USHBP1: variants seen among roughly 807,000 people sequenced by gnomAD.
The protein encoded by USHBP1 is harmonin-binding protein USHBP1.
USHBP1 carries 67 observed loss-of-function variants against 76.2 expected under a neutral mutation model. The observed-to-expected ratio is 0.88, with a 90% CI of 0.72 to 1.08. USHBP1 has a LOEUF of 1.08. USHBP1 is among the 50% of genes least tolerant of loss of function. The pLI, the probability that USHBP1 is intolerant of heterozygous loss-of-function variation, is 0.00. For synonymous variants in USHBP1, 322 were observed against 362.2 expected, an observed-to-expected ratio of 0.89 and a Z score of 1.26; for missense variants, 931 against 915.0, an observed-to-expected ratio of 1.02 and a Z score of -0.23.
Position 17,259,444 on chromosome 19 carries a change from G to T in USHBP1, c.906-15C>A, listed in dbSNP as rs769048412. On this transcript the variant is annotated splice_polypyrimidine_tract_variant and intron_variant, in intron 6 of 12. Coordinates refer to ENST00000252597, the MANE Select transcript of USHBP1 (RefSeq NM_031941.4). ...TCTCAATGCTCCTGTTCCCGAAGGT[G>T]GGGAAGAGGGAAAGTCAGAGGCCTT... 6.2e-7 allele frequency: 1 copy of T among 1,613,838 alleles called. No homozygotes were observed.
intron 10 of USHBP1, among the ~76,000 whole-genome samples, chr19:17,254,139 C>T (rs902716280): frequency 2.6e-5 from 4 of 151,316 alleles, no homozygotes; most frequent in African/African-American, 4.9e-5. Flanking sequence ...GTCAGGAGAT[C>T]GAGACCATCT....
In USHBP1 at chr19:17,254,745, G is replaced by A. The variant is rs549173457; in HGVS notation, c.1692+640C>T. Among the ~76,000 whole-genome samples the A allele has an allele frequency of 4.0e-4, 61 of 151,910 alleles. 1 individual carries two copies. The highest frequency in any genetic ancestry group is 2.3e-3 in the South Asian group (11 of 4,804). ...GTGGCTCGCTGAAGCCTCCAACTCCGGGTTCAAGTGATCCTCCCACCTCAG... is the reference window on the plus strand; with the variant it reads ...GTGGCTCGCTGAAGCCTCCAACTCCAGGTTCAAGTGATCCTCCCACCTCAG... On this transcript the variant is annotated intron_variant, in intron 10 of 12. Transcript: ENST00000252597.
chr19:17,259,602 A>G lies in USHBP1; in HGVS notation c.899T>C (p.Leu300Pro). 6.2e-7 allele frequency: 1 copy of G among 1,609,862 alleles called. No individual in the cohort carries two copies. The highest frequency in any genetic ancestry group is 8.5e-7 in the Non-Finnish European group (1 of 1,178,406). ...MHIMEAQMEQ[L>P]RGSIEKLKCF... ...CAGCATTTGAGTCTCTTACCCCCGG[A>G]GTTGCTCCATCTGGGCTTCCATGAT... Residue 300 changes from leucine (L) to proline (P), a missense_variant, in exon 6 of 13, where the codon CTC (leucine) becomes CCC (proline). Physicochemically the swap from Leu to Pro is moderately conservative, Grantham distance 98. Transcript: ENST00000252597.
intron 9 of USHBP1, among the ~76,000 whole-genome samples, chr19:17,256,091 A>G (rs1373282808): frequency 6.6e-6 from 1 of 152,132 alleles, no homozygotes; most frequent in Non-Finnish European, 1.5e-5. Context: ...CATAAAAGCT[A>G]CAGCTGTAGA....
intron 4 of USHBP1, among the ~76,000 whole-genome samples, chr19:17,261,496 G>A (rs113393924): frequency 1.3e-5 from 2 of 148,746 alleles, no homozygotes; most frequent in Non-Finnish European, 1.5e-5. Flanking sequence ...CCACCACGCC[G>A]GCTAATTTTT....
intron 4 of USHBP1, among the ~76,000 whole-genome samples, chr19:17,260,935 G>A (rs771161006): frequency 2.0e-5 from 3 of 152,128 alleles, no homozygotes; most frequent in Non-Finnish European, 4.4e-5. Context: ...ACATCACCCA[G>A]AATCCGTCCG....
intron 9 of USHBP1, 87 bp from the exon 10 acceptor site, chr19:17,255,693 C>G: frequency 7.2e-7 from 1 of 1,383,368 alleles, no homozygotes; most frequent in Non-Finnish European, 9.7e-7. Context: ...CCACTGAGGA[C>G]TATTCAGACA....
At position 17,264,046 on chromosome 19, in the gene USHBP1, C is replaced by T. The variant is rs775027418; in HGVS notation, c.159G>A (p.Gln53=). Residue 53 remains glutamine, a synonymous_variant, in exon 3 of 13, where the codon CAG becomes CAA. Coordinates refer to ENST00000252597, the MANE Select transcript of USHBP1 (RefSeq NM_031941.4). ...APPPVSSGLE[Q]LGPMEEVSGQ... is the part of the protein sequence containing the mutation. ...CACTGACCTCCTCCATGGGGCCCAG[C>T]TGCTCCAGCCCGGAGCTCACCGGAG... 6.2e-6 allele frequency: 10 copies of T among 1,611,678 alleles called. No homozygotes were observed. In the South Asian group the frequency reaches 9.9e-5, roughly 16 times the overall value.
rs1338746395 is a variant in USHBP1 at position 17,259,823 on chromosome 19, T to C, written c.768+74A>G. On this transcript the variant is annotated intron_variant, in intron 5 of 12. Coordinates refer to ENST00000252597, the MANE Select transcript of USHBP1 (RefSeq NM_031941.4). ...GCAACCCCAAAGCTGTTGGATCCCA[T>C]GACAAAGATTTGAGTCTCATTCCCC... 1.1e-5 allele frequency: 18 copies of C among 1,583,022 alleles called. No homozygotes were observed. The East Asian group carries it at 3.8e-4, about 34-fold the overall frequency.
In USHBP1 at chr19:17,250,012, A is replaced by T; in HGVS notation, c.*213T>A. 1 of 588,708 alleles carries T rather than the reference A, an allele frequency of 1.7e-6. No individual in the cohort carries two copies. The highest frequency in any genetic ancestry group is 2.9e-6 in the Non-Finnish European group (1 of 340,238). 36.5% of individuals were successfully genotyped at this position (588,708 alleles called of 1,614,324 possible). On this transcript the variant is annotated 3_prime_UTR_variant, in exon 13 of 13. Coordinates refer to ENST00000252597, the MANE Select transcript of USHBP1 (RefSeq NM_031941.4). ...GCCTGACCCCACTGATATGAAGTTC[A>T]CATTCCACTTGGTGCCAGGCCAAAG...
Position 17,249,934 on chromosome 19 carries a change from C to T in USHBP1, c.*291G>A, listed in dbSNP as rs1416463990. ...GCTGTGGCTATGCAACCTCACGGACCCCCGAAATGCGTCAGTCCCAGGGAC... is the reference window on the plus strand; with the variant it reads ...GCTGTGGCTATGCAACCTCACGGACTCCCGAAATGCGTCAGTCCCAGGGAC... On this transcript the variant is annotated 3_prime_UTR_variant, in exon 13 of 13. Coordinates refer to ENST00000252597, the MANE Select transcript of USHBP1 (RefSeq NM_031941.4). 1.3e-5 allele frequency: 5 copies of T among 398,552 alleles called. No individual in the cohort carries two copies. The highest frequency in any genetic ancestry group is 4.5e-5 in the Admixed American group (1 of 22,414). The allele number at this position is 398,552 out of a possible 1,614,324, so 24.7% of individuals were successfully genotyped here. A position where few individuals can be genotyped will look rare whatever the true frequency, so the allele number is the denominator to read the frequency against.
intron 3 of USHBP1, 143 bp from the exon 4 acceptor site, chr19:17,263,133 G>A: frequency 1.3e-6 from 1 of 776,238 alleles, no homozygotes; most frequent in Non-Finnish European, 1.8e-6. Flanking sequence ...CACCTCCTGG[G>A]TTCAAGTGAT....
chr19:17,260,718 A>G (rs1806478390), intron 4 of USHBP1, among the ~76,000 whole-genome samples: 2 of 152,144 alleles, frequency 1.3e-5, no homozygotes, highest in African/African-American at 4.8e-5. Flanking sequence ...CTGGACTCAG[A>G]CATATAGCTG....
At chr19:17,251,166 GTTGTT>G (rs2073546269) in intron 12 of USHBP1, among the ~76,000 whole-genome samples, 1 of 66,444 alleles carries the variant, frequency 1.5e-5, no homozygotes, top group Admixed American at 1.6e-4. Flanking sequence ...GGCCCAGCCT[GTTGTT>G]TTTTTTTTTT....
chr19:17,251,646 G>A lies in USHBP1; in HGVS notation c.1858C>T (p.Gln620Ter). 1 of 1,613,946 alleles carries A rather than the reference G, an allele frequency of 6.2e-7. No homozygotes were observed. Among genetic ancestry groups the A allele is most frequent in the Non-Finnish European group, 8.5e-7 (1 of 1,179,998 alleles). ...TGAGACCGTCTGGCTCGCCCCTTCT[G>A]AGCCACCTGTTCCAGCTCCCTGCGC... Reference protein sequence around the residue: ...SLRRELEQVAQKGRARRSQSA... With the variant: ...SLRRELEQVA The change falls in exon 12 of 13, where the codon CAG (glutamine) becomes TAG (stop). Residue 620 changes from glutamine to a stop codon, truncating the protein, a stop_gained. Transcript: ENST00000252597. LOFTEE classifies it high-confidence loss of function.
At chr19:17,263,042 CT>C (rs751240269) in intron 3 of USHBP1, 52 bp from the exon 4 acceptor site, 3 of 1,483,250 alleles carry the variant, frequency 2.0e-6, no homozygotes, top group East Asian at 4.7e-5. Context: ...GCAAGGAATT[CT>C]TTTTTATTTT....
chr19:17,264,197 C>A, intron 2 of USHBP1, 47 bp from the exon 3 acceptor site: 1 of 1,612,858 alleles, frequency 6.2e-7, no homozygotes, highest in Non-Finnish European at 8.5e-7. Flanking sequence ...CAGGACAGGA[C>A]CTTGGGGTCC....
chr19:17,255,481 C>T lies in USHBP1; in HGVS notation c.1596G>A (p.Arg532=). The T allele has an allele frequency of 1.9e-6, 3 of 1,614,006 alleles. No individual in the cohort carries two copies. The South Asian group carries it at 3.3e-5, about 18-fold the overall frequency. Residue 532 remains arginine (R), a synonymous_variant, in exon 10 of 13, where the codon CGG becomes CGA. Transcript: ENST00000252597. ...PAHVLLLEQL[R]WERAELQAGG... ...CAGCCTGGAGCTCTGCCCGTTCCCA[C>T]CGCAGCTGCTCCAGCAGGAGCACGT...
At position 17,264,689 on chromosome 19, in the gene USHBP1, G is replaced by A. The variant is rs1385376154; in HGVS notation, c.-67C>T. 2 of 231,684 alleles carry A rather than the reference G, an allele frequency of 8.6e-6. No individual in the cohort carries two copies. Among genetic ancestry groups the A allele is most frequent in the Admixed American group, 5.2e-5 (1 of 19,238 alleles). The allele number at this position is 231,684 out of a possible 1,614,324, so 14.4% of individuals were successfully genotyped here. A position where few individuals can be genotyped will look rare whatever the true frequency, so the allele number is the denominator to read the frequency against. On this transcript the variant is annotated 5_prime_UTR_variant, in exon 1 of 13. Transcript: ENST00000252597. ...TCTCTACCTCTCTGATCCTCTGGGG[G>A]TAACTTGATCAGAGGCCTGAGTCCC...
Sources: gnomAD v4.1 joint callset for allele counts (sites outside exome capture counted in the v4.1 genomes callset) on GRCh38, gnomAD v4.1.1 for gene constraint, MANE v1.5 for transcripts, NCBI Gene and HGNC (gene_info 2026-07-23, HGNC 2026-07-21) for gene names.